The following ST3GAL3 variants were observed in gnomAD, a reference collection of about 807,000 sequenced individuals.
ST3GAL3 encodes CMP-N-acetylneuraminate-beta-1,4-galactoside alpha-2,3-sialyltransferase.
In ST3GAL3, 21 loss-of-function variants were observed where a neutral mutation model predicts 50.1. The ratio of observed to expected loss-of-function variants is 0.42; its 90% CI spans 0.30 to 0.60. The LOEUF (loss-of-function observed/expected upper bound fraction) is 0.60, where lower values mean the gene tolerates loss of function less well. ST3GAL3 is among the 20% of genes least tolerant of loss of function. The pLI is 0.19. For missense variants in ST3GAL3, 353 were observed against 489.4 expected, an observed-to-expected ratio of 0.72 and a Z score of 2.63; for synonymous variants, 183 against 190.0, an observed-to-expected ratio of 0.96 and a Z score of 0.30.
At chr1:43,759,432 A>C (rs1465262519) in intron 2 of ST3GAL3, among the ~76,000 whole-genome samples, 1 of 152,250 alleles carries the variant, frequency 6.6e-6, no homozygotes, top group East Asian at 1.9e-4. Flanking sequence ...TGACAGAGCG[A>C]GACTCCATCT....
At chr1:43,919,065 G>GTTTTTTT (rs1427373785) in intron 9 of ST3GAL3, 2 of 48,982 alleles carry the variant, frequency 4.1e-5, no homozygotes, top group African/African-American at 5.9e-5. Flanking sequence ...TCCTTTCTTT[G>GTTTTTTT]TTTCTTTTTT....
intron 3 of ST3GAL3, among the ~76,000 whole-genome samples, chr1:43,811,889 G>A (rs2060605712): frequency 6.6e-6 from 1 of 152,190 alleles, no homozygotes; most frequent in Admixed American, 6.5e-5. Flanking sequence ...GCAACCGATT[G>A]CTATTTATAT....
rs1444677155 is a variant in ST3GAL3 at position 43,737,550 on chromosome 1, C to A, written c.118+1170C>A. ...TTTTAAATGCTTAGCTTATAATTAT[C>A]ACTAATTACTTGTGTTTCAAAAGTT... On this transcript the variant is annotated intron_variant, in intron 2 of 11. Coordinates refer to ENST00000347631, the MANE Select transcript of ST3GAL3 (RefSeq NM_006279.5). This position sits in a 1 kb window ranked among gnomAD's most constrained non-coding sequence, Gnocchi z 4.0. 1 of 152,170 alleles carries A rather than the reference C, an allele frequency of 6.6e-6. No individual in the cohort carries two copies. The highest frequency in any genetic ancestry group is 1.5e-5 in the Non-Finnish European group (1 of 68,034). The allele number at this position is 152,170 out of a possible 1,614,324, so 9.4% of individuals were successfully genotyped here. A position where few individuals can be genotyped will look rare whatever the true frequency, so the allele number is the denominator to read the frequency against.
intron 5 of ST3GAL3, chr1:43,858,432 G>A (rs570027251): frequency 2.5e-6 from 2 of 815,620 alleles, no homozygotes; most frequent in Non-Finnish European, 3.3e-6. Context: ...TCCCTGGTGA[G>A]AGCAGGCAGG....
chr1:43,918,595 CAT>C (rs534383104), intron 9 of ST3GAL3, among the ~76,000 whole-genome samples: 10 of 150,254 alleles, frequency 6.7e-5, no homozygotes, highest in African/African-American at 4.9e-5. Flanking sequence ...GGTTTTGAAT[CAT>C]ATATATATAT....
chr1:43,771,150 C>T (rs1558226798), intron 2 of ST3GAL3, among the ~76,000 whole-genome samples: 1 of 152,140 alleles, frequency 6.6e-6, no homozygotes. Context: ...TCTATTTTGT[C>T]ATGGCTGTTT....
chr1:43,808,319 A>AAG (rs1558391958), intron 3 of ST3GAL3, among the ~76,000 whole-genome samples: 1 of 151,614 alleles, frequency 6.6e-6, no homozygotes. Context: ...AAAAAAAAAA[A>AAG]AAGTGGAGCT....
intron 2 of ST3GAL3, among the ~76,000 whole-genome samples, chr1:43,776,170 C>T (rs1697154600): frequency 6.6e-6 from 1 of 152,154 alleles, no homozygotes; most frequent in African/African-American, 2.4e-5. Flanking sequence ...ATTTTCATTA[C>T]CCCAAAAAGA....
At chr1:43,906,359 C>G (rs2079674493) in intron 9 of ST3GAL3, among the ~76,000 whole-genome samples, 1 of 147,274 alleles carries the variant, frequency 6.8e-6, no homozygotes, top group African/African-American at 2.5e-5. Context: ...CTTCCCGCCA[C>G]TCTTCCTCCC....
intron 5 of ST3GAL3, among the ~76,000 whole-genome samples, chr1:43,869,863 G>A (rs148560897): frequency 1.3e-5 from 2 of 152,264 alleles, no homozygotes; most frequent in East Asian, 1.9e-4. Flanking sequence ...TAAGCCTAAC[G>A]CAGAAACTTG....
At chr1:43,779,060 A>G (rs1057006114) in intron 2 of ST3GAL3, among the ~76,000 whole-genome samples, 4 of 148,818 alleles carry the variant, frequency 2.7e-5, no homozygotes, top group Non-Finnish European at 4.5e-5. Flanking sequence ...TCCTTCCTCA[A>G]CCTCCCGAGT....
intron 5 of ST3GAL3, among the ~76,000 whole-genome samples, chr1:43,878,801 T>G (rs2074565915): frequency 6.6e-6 from 1 of 152,220 alleles, no homozygotes; most frequent in Admixed American, 6.5e-5. Context: ...ACACGGTAGT[T>G]TTGAATATTT....
chr1:43,899,820 T>A lies in ST3GAL3; in HGVS notation c.744+93T>A. On this transcript the variant is annotated intron_variant, in intron 9 of 11. Transcript: ENST00000347631. The surrounding 1 kb of genome is among the most constrained non-coding windows in gnomAD (Gnocchi z 5.4). ...CCCCTTGAATGCAGCAAAGAACGAGTAAGAACCTTCAAAGGAAACATTAAT... is the reference window on the plus strand; with the variant it reads ...CCCCTTGAATGCAGCAAAGAACGAGAAAGAACCTTCAAAGGAAACATTAAT... The A allele has an allele frequency of 8.0e-7, 1 of 1,250,100 alleles. No homozygotes were observed. The highest frequency in any genetic ancestry group is 1.2e-6 in the Non-Finnish European group (1 of 864,228). The allele number at this position is 1,250,100 out of a possible 1,614,324, so 77.4% of individuals were successfully genotyped here. A position where few individuals can be genotyped will look rare whatever the true frequency, so the allele number is the denominator to read the frequency against.
intron 2 of ST3GAL3, among the ~76,000 whole-genome samples, chr1:43,740,865 G>A (rs1247961329): frequency 6.7e-6 from 1 of 150,314 alleles, no homozygotes; most frequent in African/African-American, 2.5e-5. Flanking sequence ...AGTGAGGGAG[G>A]GAGGAAGAGG....
intron 2 of ST3GAL3, among the ~76,000 whole-genome samples, chr1:43,752,204 A>G (rs1451325503): frequency 6.6e-6 from 1 of 152,166 alleles, no homozygotes; most frequent in Non-Finnish European, 1.5e-5. Flanking sequence ...TCTACTAGGT[A>G]TGTTTGATAG....
At chr1:43,727,570 A>G (rs1163109807) in intron 1 of ST3GAL3, among the ~76,000 whole-genome samples, 2 of 152,200 alleles carry the variant, frequency 1.3e-5, no homozygotes, top group African/African-American at 4.8e-5. Flanking sequence ...AAAAAGTGAA[A>G]GTGGATGGCT....
intron 1 of ST3GAL3, among the ~76,000 whole-genome samples, chr1:43,714,189 G>A (rs540249379): frequency 2.1e-4 from 32 of 151,796 alleles, no homozygotes; most frequent in Middle Eastern, 3.4e-3. Context: ...ACTTGAACCC[G>A]GGAGGCGGAG....
chr1:43,763,633 G>A (rs910217161), intron 2 of ST3GAL3, among the ~76,000 whole-genome samples: 3 of 152,194 alleles, frequency 2.0e-5, no homozygotes, highest in Admixed American at 2.0e-4. Flanking sequence ...GAGGGCAGAA[G>A]AACCTTTTGA....
intron 4 of ST3GAL3, chr1:43,831,775 G>A (rs900421882): frequency 3.3e-5 from 5 of 152,262 alleles, no homozygotes; most frequent in Admixed American, 6.5e-5. Flanking sequence ...GTGTCAGAGA[G>A]TGCAGGGAAA....
Sources: allele counts gnomAD v4.1 joint callset (sites outside exome capture counted in the v4.1 genomes callset), GRCh38; gene constraint gnomAD v4.1.1; non-coding constraint Gnocchi (gnomAD v3.1); transcripts MANE v1.5; gene names NCBI Gene and HGNC (gene_info 2026-07-23, HGNC 2026-07-21).